CROCC: variants seen among roughly 807,000 people sequenced by gnomAD.
The protein encoded by CROCC is rootletin.
CROCC carries 180 observed loss-of-function variants against 245.2 expected under a neutral mutation model. That is an observed-to-expected ratio of 0.73 (90% confidence interval 0.65 to 0.83). CROCC has a LOEUF of 0.83. Ranked by LOEUF, CROCC falls within the 40% of genes least tolerant of loss-of-function variation. The pLI, the probability that CROCC is intolerant of heterozygous loss-of-function variation, is 0.00. For missense variants in CROCC, 2,688 were observed against 2,779.4 expected (o/e 0.97, Z 0.74); for synonymous variants, 1,205 against 1,241.6 (o/e 0.97, Z 0.62).
Position 16,966,774 on chromosome 1 carries a change from C to T in CROCC, c.4860+203C>T, listed in dbSNP as rs998897898. Among the ~76,000 whole-genome samples, 10 of 152,166 alleles carry T rather than the reference C, an allele frequency of 6.6e-5. No individual in the cohort carries two copies. The highest frequency in any genetic ancestry group is 1.5e-5 in the Non-Finnish European group (1 of 68,032). ...GGTCACTAGGCTGTAGAAAAAAGAG[C>T]TTGGTCAAGGTGCAGTAGCTCATGC... On this transcript the variant is annotated intron_variant, in intron 30 of 36. Transcript: ENST00000375541. This position sits in a 1 kb window ranked among gnomAD's most constrained non-coding sequence, Gnocchi z 4.8.
intron 31 of CROCC, 51 bp downstream of exon 31, chr1:16,968,469 G>T: frequency 7.0e-7 from 1 of 1,435,426 alleles, no homozygotes; most frequent in Non-Finnish European, 9.1e-7. Context: ...CCTGTGCCAA[G>T]AGCTTTGTAG....
At chr1:16,951,702 G>A (rs1207575013) in intron 20 of CROCC, among the ~76,000 whole-genome samples, 2 of 152,240 alleles carry the variant, frequency 1.3e-5, no homozygotes, top group Admixed American at 1.3e-4. Context: ...TGCTGGCACT[G>A]ACATGCTCTC....
At chr1:16,935,757 A>G (rs1423244898) in intron 8 of CROCC, among the ~76,000 whole-genome samples, 1 of 152,278 alleles carries the variant, frequency 6.6e-6, no homozygotes, top group East Asian at 1.9e-4. Flanking sequence ...AGAGTGTTCC[A>G]CAGAATGGAT....
chr1:16,934,256 C>T (rs1159247623), intron 8 of CROCC, among the ~76,000 whole-genome samples: 1 of 152,216 alleles, frequency 6.6e-6, no homozygotes, highest in Admixed American at 6.5e-5. Flanking sequence ...ACCAGTGGTA[C>T]TGTTCATTCA....
At chr1:16,937,998 A>T (rs1471659401) in intron 10 of CROCC, among the ~76,000 whole-genome samples, 1 of 152,274 alleles carries the variant, frequency 6.6e-6, no homozygotes, top group African/African-American at 2.4e-5. Flanking sequence ...GTCCAGTCTC[A>T]GAGCCACTAA....
intron 1 of CROCC, among the ~76,000 whole-genome samples, chr1:16,914,432 C>T (rs1382448818): frequency 1.3e-5 from 2 of 152,268 alleles, no homozygotes; most frequent in Non-Finnish European, 2.9e-5. Context: ...CCCCTCGCTC[C>T]GCGGGCGGCC....
Position 16,966,339 on chromosome 1 carries a change from A to G in CROCC, c.4697-69A>G. On this transcript the variant is annotated intron_variant, in intron 29 of 36. Coordinates refer to ENST00000375541, the MANE Select transcript of CROCC (RefSeq NM_014675.5). This position sits in a 1 kb window ranked among gnomAD's most constrained non-coding sequence, Gnocchi z 4.8. ...GCACTGGGTGGAGTGCAGGCTGGAC[A>G]TTTTGTGACCTGGTTTGGGTCTCGG... 3 of 1,464,366 alleles carry G rather than the reference A, an allele frequency of 2.0e-6. No homozygotes were observed. Among genetic ancestry groups the G allele is most frequent in the Non-Finnish European group, 2.7e-6 (3 of 1,106,050 alleles). 90.7% of individuals were successfully genotyped at this position (1,464,366 alleles called of 1,614,324 possible).
At chr1:16,938,342 G>A in intron 10 of CROCC, 58 bp from the exon 11 acceptor site, 1 of 1,466,928 alleles carries the variant, frequency 6.8e-7, no homozygotes, top group South Asian at 1.3e-5. Flanking sequence ...GAGGGAAAGG[G>A]GAGGTTTCAG....
rs143697056 is a variant in CROCC, at chr1:16,972,520, C to CG, written c.*74_*75insG. 1.2e-5 allele frequency: 11 copies of CG among 951,168 alleles called. No individual in the cohort carries two copies. The African/African-American group carries it at 2.0e-4, about 17-fold the overall frequency. 58.9% of individuals were successfully genotyped at this position (951,168 alleles called of 1,614,324 possible). A position where few individuals can be genotyped will look rare whatever the true frequency, so the allele number is the denominator to read the frequency against. On this transcript the variant is annotated 3_prime_UTR_variant, in exon 37 of 37. Transcript: ENST00000375541. ...ACCCTTCTTTTGGACAGCCCCCCCA[C>CG]CCAGAGCCCGGTCCCTTGGGGGCCT...
At chr1:16,945,326 T>C in intron 14 of CROCC, 136 bp from the exon 15 acceptor site, 1 of 1,277,086 alleles carries the variant, frequency 7.8e-7, no homozygotes, top group African/African-American at 1.4e-5. Flanking sequence ...GTAGTGGGCT[T>C]GGTTGCCCTG....
chr1:16,947,384 G>C (rs368704467), intron 17 of CROCC, among the ~76,000 whole-genome samples: 6 of 152,262 alleles, frequency 3.9e-5, no homozygotes, highest in Admixed American at 6.5e-5. Flanking sequence ...CAGGAGAATC[G>C]CTTGAACCCA....
intron 19 of CROCC, among the ~76,000 whole-genome samples, chr1:16,950,716 T>C (rs1049775016): frequency 2.0e-5 from 3 of 152,252 alleles, no homozygotes; most frequent in Non-Finnish European, 2.9e-5. Context: ...TCAGTCATTT[T>C]ATGCCTTTAA....
rs2075423741 is a variant in CROCC, at chr1:16,922,201, T to C, written c.60+123T>C. On this transcript the variant is annotated intron_variant, in intron 1 of 36. Coordinates refer to ENST00000375541, the MANE Select transcript of CROCC (RefSeq NM_014675.5). ...GGAGAGGTGTGGTGGTGGTGGGGTA[T>C]ACAGGGGCCCCCCGCTTGCAGTTCC... 2.5e-5 allele frequency: 26 copies of C among 1,045,026 alleles called. No homozygotes were observed. In the South Asian group the frequency reaches 4.4e-4, roughly 18 times the overall value. 64.7% of individuals were successfully genotyped at this position (1,045,026 alleles called of 1,614,324 possible). A position where few individuals can be genotyped will look rare whatever the true frequency, so the allele number is the denominator to read the frequency against.
intron 9 of CROCC, 95 bp from the exon 10 acceptor site, chr1:16,937,546 G>C (rs1570625319): frequency 5.6e-6 from 6 of 1,062,204 alleles, no homozygotes; most frequent in East Asian, 2.5e-5. Flanking sequence ...TAGGGTCCCT[G>C]CCTCGGGTTT....
rs553198001 is a variant in CROCC at position 16,954,281 on chromosome 1, G to T, written c.3245G>T (p.Arg1082Leu). ...TALSEKLMGT[R>L]HSLATISLEM... ...CTGTCAGAGAAGTTGATGGGTACAC[G>T]GCACAGCCTGGCCACCATCTCCCTG... is the stretch of plus-strand genomic sequence containing the variant. The change falls in exon 22 of 37, where the codon CGG becomes CTG. Residue 1082 changes from arginine to leucine, a missense_variant. Coordinates refer to ENST00000375541, the MANE Select transcript of CROCC (RefSeq NM_014675.5). The surrounding 1 kb of genome is among the most constrained non-coding windows in gnomAD (Gnocchi z 4.4). The T allele has an allele frequency of 1.6e-5, 26 of 1,611,934 alleles. No homozygotes were observed. In the East Asian group the frequency reaches 5.3e-4, roughly 33 times the overall value.
intron 2 of CROCC, among the ~76,000 whole-genome samples, chr1:16,923,410 C>A (rs2075453842): frequency 6.6e-6 from 1 of 152,280 alleles, no homozygotes; most frequent in South Asian, 2.1e-4. Flanking sequence ...CCTGGAGCCC[C>A]AGACAGGGAG....
chr1:16,967,278 C>T (rs960523409), intron 30 of CROCC, among the ~76,000 whole-genome samples: 2 of 152,062 alleles, frequency 1.3e-5, no homozygotes, highest in South Asian at 2.1e-4. Context: ...CTATGTGTGC[C>T]AGTGTGTATG....
At chr1:16,959,628 C>G (rs1383760093) in intron 26 of CROCC, among the ~76,000 whole-genome samples, 1 of 152,204 alleles carries the variant, frequency 6.6e-6, no homozygotes, top group African/African-American at 2.4e-5. Flanking sequence ...GAGGTTGACT[C>G]TCTAAATGGC....
intron 18 of CROCC, 70 bp downstream of exon 18, chr1:16,948,594 G>T: frequency 2.0e-6 from 3 of 1,472,266 alleles, no homozygotes; most frequent in Non-Finnish European, 2.7e-6. Flanking sequence ...CCAGCCACAC[G>T]CAGGCACGGG....
Sources: allele counts gnomAD v4.1 joint callset (sites outside exome capture counted in the v4.1 genomes callset), GRCh38; gene constraint gnomAD v4.1.1; non-coding constraint Gnocchi (gnomAD v3.1); transcripts MANE v1.5; gene names NCBI Gene and HGNC (gene_info 2026-07-23, HGNC 2026-07-21).